Variants in CDH23 observed in about 807,000 individuals in gnomAD.
CDH23 encodes cadherin related 23, also known as cadherin-23.
CDH23 carries 189 observed loss-of-function variants against 317.1 expected under a neutral mutation model. That is an observed-to-expected ratio of 0.60 (90% confidence interval 0.53 to 0.67). The LOEUF (loss-of-function observed/expected upper bound fraction) is 0.67. CDH23 is among the 30% of genes least tolerant of loss of function. The pLI, the probability that CDH23 is intolerant of heterozygous loss-of-function variation, is 0.00. For missense variants in CDH23, 4,401 were observed against 4,592.4 expected, an observed-to-expected ratio of 0.96 and a Z score of 1.20; for synonymous variants, 1,839 against 1,876.8, an observed-to-expected ratio of 0.98 and a Z score of 0.52.
At chr10:71,641,447 A>G (rs1862547475) in intron 11 of CDH23, among the ~76,000 whole-genome samples, 1 of 152,220 alleles carries the variant, frequency 6.6e-6, no homozygotes, top group Non-Finnish European at 1.5e-5. Flanking sequence ...TCAGGATGGC[A>G]TCTGCCTGGG....
intron 64 of CDH23, 41 bp from the exon 65 acceptor site, chr10:71,811,654 GGCAGGGCCTGAGACGTCA>G (rs1463397969): frequency 1.9e-6 from 3 of 1,613,676 alleles, no homozygotes; most frequent in Non-Finnish European, 2.5e-6. Context: ...CCACGAGGCA[GGCAGGGCCTGAGACGTCA>G]GCTTGGCCCC....
intron 15 of CDH23, among the ~76,000 whole-genome samples, chr10:71,675,622 A>G (rs928023929): frequency 6.6e-6 from 1 of 152,202 alleles, no homozygotes; most frequent in Non-Finnish European, 1.5e-5. Flanking sequence ...CACTTTACAG[A>G]TGAGGAAAGT....
intron 6 of CDH23, among the ~76,000 whole-genome samples, chr10:71,556,371 C>T (rs1372027949): frequency 6.6e-6 from 1 of 152,012 alleles, no homozygotes; most frequent in African/African-American, 2.4e-5. Flanking sequence ...GAGGCTGAGG[C>T]AGGCAGATCA....
At chr10:71,641,483 T>C (rs1349887091) in intron 11 of CDH23, among the ~76,000 whole-genome samples, 1 of 152,178 alleles carries the variant, frequency 6.6e-6, no homozygotes, top group African/African-American at 2.4e-5. Flanking sequence ...ACATGGACCC[T>C]TTGCAAATAA....
At chr10:71,725,115 C>G (rs774731298) in intron 29 of CDH23, among the ~76,000 whole-genome samples, 4 of 152,214 alleles carry the variant, frequency 2.6e-5, no homozygotes, top group African/African-American at 4.8e-5. Flanking sequence ...ACCATCAACA[C>G]CAAGATGAAG....
chr10:71,466,787 C>T (rs930411339), intron 3 of CDH23, among the ~76,000 whole-genome samples: 25 of 152,020 alleles, frequency 1.6e-4, no homozygotes, highest in Non-Finnish European at 5.9e-5. Flanking sequence ...GAGTGTGTGA[C>T]TTCACCTTTA....
Position 71,567,505 on chromosome 10 carries a change from G to A in CDH23, c.624+569G>A, listed in dbSNP as rs1814755408. 2.6e-5 allele frequency among the ~76,000 whole-genome samples: 4 copies of A among 152,218 alleles called. No homozygotes were observed. In the South Asian group the frequency reaches 8.3e-4, roughly 32 times the overall value. Reference sequence around the variant, plus strand: ...AGGATGAGTGAGTCAAGGGCAGAAGGCAGGAGAGGGTAATTATCCCATCTG... The same window carrying A: ...AGGATGAGTGAGTCAAGGGCAGAAGACAGGAGAGGGTAATTATCCCATCTG... On this transcript the variant is annotated intron_variant, in intron 7 of 69. Transcript: ENST00000224721.
At chr10:71,763,593 G>A (rs1170553400) in intron 38 of CDH23, among the ~76,000 whole-genome samples, 1 of 152,226 alleles carries the variant, frequency 6.6e-6, no homozygotes, top group East Asian at 1.9e-4. Flanking sequence ...TGGCCAGCCT[G>A]TACTGGACCA....
intron 3 of CDH23, among the ~76,000 whole-genome samples, chr10:71,467,951 T>C (rs1007494802): frequency 6.6e-6 from 1 of 152,234 alleles, no homozygotes; most frequent in Non-Finnish European, 1.5e-5. Context: ...ATGGGAGCTC[T>C]GGCCTACCCT....
intron 4 of CDH23, 52 bp from the exon 5 acceptor site, chr10:71,510,902 A>G (rs1589149841): frequency 1.9e-6 from 3 of 1,594,108 alleles, no homozygotes; most frequent in East Asian, 2.2e-5. Context: ...CCCAGGACCC[A>G]GGACCTCAGC....
intron 11 of CDH23, among the ~76,000 whole-genome samples, chr10:71,620,336 C>T (rs757489553): frequency 2.0e-4 from 30 of 152,108 alleles, no homozygotes; most frequent in Non-Finnish European, 2.9e-4. Context: ...GCGCCCAGTA[C>T]GTTAGCCGTT....
intron 38 of CDH23, among the ~76,000 whole-genome samples, chr10:71,760,306 TACAC>T (rs142089504): frequency 1.2e-5 from 1 of 86,494 alleles, no homozygotes; most frequent in Non-Finnish European, 2.9e-5. Context: ...TATATGTATA[TACAC>T]ACACATATAT....
At chr10:71,609,952 G>A (rs1352757853) in intron 9 of CDH23, among the ~76,000 whole-genome samples, 2 of 18,430 alleles carry the variant, frequency 1.1e-4, no homozygotes, top group African/African-American at 2.0e-4. Context: ...GGACTCCCCC[G>A]TGTGTGTGTG....
At chr10:71,456,536 T>C (rs2132048866) in intron 3 of CDH23, among the ~76,000 whole-genome samples, 1 of 152,120 alleles carries the variant, frequency 6.6e-6, no homozygotes, top group Non-Finnish European at 1.5e-5. Context: ...GGTGTGGGTA[T>C]GGGGCGGGGC....
At chr10:71,599,105 T>C (rs1860048960) in intron 9 of CDH23, among the ~76,000 whole-genome samples, 1 of 151,430 alleles carries the variant, frequency 6.6e-6, no homozygotes, top group South Asian at 2.1e-4. Flanking sequence ...AAATATTAAA[T>C]ATTTAGAAAA....
At chr10:71,589,586 G>T (rs1859328067) in intron 9 of CDH23, among the ~76,000 whole-genome samples, 1 of 152,200 alleles carries the variant, frequency 6.6e-6, no homozygotes, top group South Asian at 2.1e-4. Context: ...GGTGCCTGAA[G>T]CATGGCATAT....
intron 57 of CDH23, among the ~76,000 whole-genome samples, chr10:71,806,501 C>G (rs1841729189): frequency 6.6e-6 from 1 of 150,558 alleles, no homozygotes; most frequent in Non-Finnish European, 1.5e-5. Context: ...GACCAAAATG[C>G]CTGACTCATG....
At chr10:71,787,231 A>G (rs1841130796) in intron 44 of CDH23, among the ~76,000 whole-genome samples, 1 of 151,462 alleles carries the variant, frequency 6.6e-6, no homozygotes, top group South Asian at 2.1e-4. Context: ...GAAAACTGAG[A>G]CCCAGACAGG....
chr10:71,765,371 G>A (rs940602741), intron 38 of CDH23, among the ~76,000 whole-genome samples: 6 of 152,264 alleles, frequency 3.9e-5, no homozygotes, highest in African/African-American at 1.4e-4. Flanking sequence ...GGAGGGTATG[G>A]CAGGGCAGGC....
Sources: allele counts gnomAD v4.1 joint callset (sites outside exome capture counted in the v4.1 genomes callset), GRCh38; gene constraint gnomAD v4.1.1; transcripts MANE v1.5; gene names NCBI Gene and HGNC (gene_info 2026-07-23, HGNC 2026-07-21).